The following DMD variants were observed in gnomAD, a reference collection of about 807,000 sequenced individuals.
DMD encodes dystrophin, also known as mutant dystrophin.
A neutral mutation model predicts 330.1 loss-of-function variants in DMD; 63 were observed. That is an observed-to-expected ratio of 0.19 (90% CI 0.16 to 0.24). The LOEUF is 0.24. DMD is among the 10% of genes least tolerant of loss of function. The probability of loss-of-function intolerance (pLI) is 1.00; values close to 1 mark genes in which losing one functional copy is unlikely to be tolerated. For missense variants in DMD, 3,344 were observed against 2,684.1 expected (o/e 1.25, Z -5.43); for synonymous variants, 1,223 against 959.8 (o/e 1.27, Z -5.07).
chrX:33,076,073 C>G (rs1292757267), intron 1 of DMD, among the ~76,000 whole-genome samples: 1 of 111,290 alleles, frequency 9.0e-6, no homozygotes, highest in Non-Finnish European at 1.9e-5. Context: ...ACCCTGCACT[C>G]GATGGATCAA....
chrX:32,564,111 T>C (rs1324798559), intron 16 of DMD, among the ~76,000 whole-genome samples: 1 of 111,505 alleles, frequency 9.0e-6, no homozygotes, highest in Non-Finnish European at 1.9e-5. Context: ...TTTAGGTCCT[T>C]ATCACAGCTT....
chrX:32,190,585 T>TATATATATA (rs1569549819), intron 44 of DMD, among the ~76,000 whole-genome samples: 5 of 94,312 alleles, frequency 5.3e-5, no homozygotes, highest in African/African-American at 1.9e-4. Flanking sequence ...TATATATATA[T>TATATATATA]TTCACCACAA....
intron 60 of DMD, among the ~76,000 whole-genome samples, chrX:31,402,824 T>C (rs2061249313): frequency 8.9e-6 from 1 of 111,796 alleles, no homozygotes; most frequent in African/African-American, 3.2e-5. Flanking sequence ...TCAGAAAATG[T>C]ATAGGAGAAA....
At chrX:32,564,990 C>T (rs2149090718) in intron 16 of DMD, among the ~76,000 whole-genome samples, 1 of 111,577 alleles carries the variant, frequency 9.0e-6, no homozygotes, top group African/African-American at 3.2e-5. Context: ...ATGTTTATAT[C>T]TTGAATGACT....
At chrX:31,620,142 T>A (rs1469990938) in intron 55 of DMD, among the ~76,000 whole-genome samples, 1 of 111,870 alleles carries the variant, frequency 8.9e-6, no homozygotes, top group African/African-American at 3.2e-5. Flanking sequence ...CATGTGAGTC[T>A]TGAGTATTCC....
At chrX:31,926,180 G>A (rs769380435) in intron 47 of DMD, among the ~76,000 whole-genome samples, 14 of 111,240 alleles carry the variant, frequency 1.3e-4, no homozygotes, top group African/African-American at 3.9e-4. Context: ...TGGCTCTTAC[G>A]GGTATCATTG....
At position 31,192,409 on chromosome X, in the gene DMD, A is replaced by G. The variant is rs759661317; in HGVS notation, c.9808-9505T>C. Among the ~76,000 whole-genome samples, 11 of 112,148 alleles carry G rather than the reference A, an allele frequency of 9.8e-5. No individual in the cohort carries two copies. The South Asian group carries it at 4.1e-3, about 42-fold the overall frequency. On this transcript the variant is annotated intron_variant, in intron 67 of 78. Transcript: ENST00000357033. ...GATCATTTACATGAGGTTGTACACA[A>G]TGGTTTTTCACATCTTGCTCTTAGT... is the stretch of plus-strand genomic sequence containing the variant.
intron 51 of DMD, among the ~76,000 whole-genome samples, chrX:31,742,341 C>T (rs1321133371): frequency 8.9e-6 from 1 of 112,772 alleles, no homozygotes; most frequent in African/African-American, 3.2e-5. Flanking sequence ...TTTTGACATG[C>T]CTTCCTCACC....
intron 54 of DMD, among the ~76,000 whole-genome samples, chrX:31,644,603 C>G (rs1384540596): frequency 8.9e-6 from 1 of 112,078 alleles, no homozygotes; most frequent in Non-Finnish European, 1.9e-5. Context: ...ATTTGGCAAA[C>G]AGTGCATATC....
chrX:32,612,887 T>C (rs1466217411), intron 12 of DMD, among the ~76,000 whole-genome samples: 1 of 111,012 alleles, frequency 9.0e-6, no homozygotes, highest in East Asian at 2.8e-4. Flanking sequence ...GCCCCATTTG[T>C]CATTCAAAAC....
intron 23 of DMD, among the ~76,000 whole-genome samples, chrX:32,466,621 G>T (rs918213952): frequency 9.0e-6 from 1 of 111,255 alleles, no homozygotes; most frequent in African/African-American, 3.3e-5. Flanking sequence ...TTAAAAGGAA[G>T]TCAACACAGG....
chrX:32,218,938 T>C (rs916013205), intron 43 of DMD, among the ~76,000 whole-genome samples: 1 of 111,310 alleles, frequency 9.0e-6, no homozygotes, highest in Non-Finnish European at 1.9e-5. Flanking sequence ...GTTCTAGAGG[T>C]TTTTTCCCCT....
At chrX:32,511,925 T>C (rs374376141) in intron 18 of DMD, among the ~76,000 whole-genome samples, 1 of 111,772 alleles carries the variant, frequency 8.9e-6, no homozygotes, top group African/African-American at 3.2e-5. Flanking sequence ...AATTATTTAG[T>C]ACACATAATT....
At chrX:32,781,172 G>A (rs1415324945) in intron 7 of DMD, among the ~76,000 whole-genome samples, 7 of 107,354 alleles carry the variant, frequency 6.5e-5, no homozygotes, top group African/African-American at 2.4e-4. Context: ...GAATTCAGCT[G>A]TGAATAATAA....
intron 1 of DMD, among the ~76,000 whole-genome samples, chrX:33,338,962 A>G (rs1385094141): frequency 9.0e-6 from 1 of 111,143 alleles, no homozygotes; most frequent in Non-Finnish European, 1.9e-5. Flanking sequence ...TCCCCCTGTC[A>G]TCATCTACCT....
rs560566224 is a variant in DMD, at chrX:32,773,772, CTCTT to C, written c.649+35717_649+35720del. ...CCTTTTTTAAAGCTCCTCTGGAGTGCTCTTTCTTAGTTTTCAATACTATATTTTC... is the reference window on the plus strand; with the variant it reads ...CCTTTTTTAAAGCTCCTCTGGAGTGCTCTTAGTTTTCAATACTATATTTTC... On this transcript the variant is annotated intron_variant, in intron 7 of 78. Coordinates refer to ENST00000357033, the MANE Select transcript of DMD (RefSeq NM_004006.3). 3.1e-4 allele frequency among the ~76,000 whole-genome samples: 34 copies of C among 111,344 alleles called. No individual in the cohort carries two copies. In the South Asian group the frequency reaches 9.4e-3, roughly 31 times the overall value.
intron 59 of DMD, 151 bp from the exon 60 acceptor site, chrX:31,444,778 G>T: frequency 1.6e-6 from 1 of 624,958 alleles, no homozygotes; most frequent in Non-Finnish European, 2.5e-6. Context: ...AAATTCCTAT[G>T]TTGAAATCCT....
rs751853888 is a variant in DMD at position 32,534,891 on chromosome X, G to A, written c.2168+10268C>T. Among the ~76,000 whole-genome samples, 3 of 110,796 alleles carry A rather than the reference G, an allele frequency of 2.7e-5. No individual in the cohort carries two copies. In the East Asian group the frequency reaches 8.5e-4, roughly 32 times the overall value. ...CCTGGCATCATTTTTATATCTCTGT[G>A]GTAGCATAATATGTGTTCATTTGTA... On this transcript the variant is annotated intron_variant, in intron 17 of 78. Transcript: ENST00000357033.
intron 44 of DMD, among the ~76,000 whole-genome samples, chrX:32,163,130 A>G (rs1226715040): frequency 9.0e-6 from 1 of 110,881 alleles, no homozygotes; most frequent in Non-Finnish European, 1.9e-5. Context: ...CATTTTCTCA[A>G]TTCTATTCAC....
Sources: allele counts gnomAD v4.1 joint callset (sites outside exome capture counted in the v4.1 genomes callset), GRCh38; gene constraint gnomAD v4.1.1; transcripts MANE v1.5; gene names NCBI Gene and HGNC (gene_info 2026-07-23, HGNC 2026-07-21).